Variants in CYP3A5 observed in about 807,000 individuals in gnomAD.
The protein encoded by CYP3A5 is cytochrome P450 3A5.
A neutral mutation model predicts 55.9 loss-of-function variants in CYP3A5; 51 were observed. The observed-to-expected ratio is 0.91, with a 90% CI of 0.73 to 1.15. CYP3A5 has a LOEUF of 1.15. Among genes scored for constraint, CYP3A5 ranks in the 50% most tolerant of loss-of-function variants. CYP3A5 has a pLI of 0.00. For missense variants in CYP3A5, 533 were observed against 596.6 expected, an observed-to-expected ratio of 0.89 and a Z score of 1.11; for synonymous variants, 196 against 213.9, an observed-to-expected ratio of 0.92 and a Z score of 0.73.
intron 12 of CYP3A5, among the ~76,000 whole-genome samples, chr7:99,649,843 G>T (rs1409686328): frequency 6.6e-6 from 1 of 151,984 alleles, no homozygotes; most frequent in Non-Finnish European, 1.5e-5. Context: ...GGTTCAAAGA[G>T]ACTACACATA....
At chr7:99,651,018 T>C (rs910442430) in intron 11 of CYP3A5, among the ~76,000 whole-genome samples, 6 of 152,244 alleles carry the variant, frequency 3.9e-5, no homozygotes, top group African/African-American at 9.6e-5. Context: ...AATGGCATTG[T>C]TGTCATATGT....
rs775307047 is a variant in CYP3A5 at position 99,679,898 on chromosome 7, G to A, written c.-2C>T. On this transcript the variant is annotated 5_prime_UTR_variant, in exon 1 of 13. Transcript: ENST00000222982. The stretch of plus-strand genomic sequence containing the variant: ...CGCCAAATTTGGGATGAGGTCCATC[G>A]CCACTTTCCTTCTTCAACTGTGTTC... The A allele has an allele frequency of 1.2e-5, 19 of 1,613,628 alleles. No individual in the cohort carries two copies. The African/African-American group carries it at 1.9e-4, about 16-fold the overall frequency.
At chr7:99,678,641 A>T (rs1773678231) in intron 1 of CYP3A5, among the ~76,000 whole-genome samples, 1 of 152,236 alleles carries the variant, frequency 6.6e-6, no homozygotes, top group Non-Finnish European at 1.5e-5. Context: ...CAGAAGGAAC[A>T]TGCTGGAAAT....
In CYP3A5 at chr7:99,662,421, C is replaced by T. The variant is rs1810545114; in HGVS notation, c.865+395G>A. ...TTGCAGTAGATTAACCTTGCGAACA[C>T]ACTTTCAAGTACTGCCAGTTAAAAT... On this transcript the variant is annotated intron_variant, in intron 9 of 12. Coordinates refer to ENST00000222982, the MANE Select transcript of CYP3A5 (RefSeq NM_000777.5). This position sits in a 1 kb window ranked among gnomAD's most constrained non-coding sequence, Gnocchi z 4.3. Among the ~76,000 whole-genome samples, 1 of 152,232 alleles carries T rather than the reference C, an allele frequency of 6.6e-6. No individual in the cohort carries two copies. The highest frequency in any genetic ancestry group is 2.1e-4 in the South Asian group (1 of 4,832).
At chr7:99,677,897 AGG>A (rs142748477) in intron 1 of CYP3A5, among the ~76,000 whole-genome samples, 1,687 of 152,312 alleles carry the variant, frequency 0.011, 31 homozygotes, top group African/African-American at 0.038. Context: ...TTGGCCCCCA[AGG>A]AAAGATCTTG....
At chr7:99,663,857 A>G (rs1810691367) in intron 8 of CYP3A5, 111 bp downstream of exon 8, 3 of 1,434,524 alleles carry the variant, frequency 2.1e-6, no homozygotes, top group Non-Finnish European at 1.8e-6. Flanking sequence ...TGTTCTAAAC[A>G]TAAGTTCTCT....
In CYP3A5 at chr7:99,665,237, T is replaced by G; in HGVS notation, c.599A>C (p.Gln200Pro). ...CTTAGTGCTCTCCACAAAGGGGTCT[T>G]GTGGATTGTTGAGAGAGTCGATGTT... is the stretch of plus-strand genomic sequence containing the variant. ...GVNIDSLNNP[Q>P]DPFVESTKKF... The change falls in exon 7 of 13, where the codon CAA becomes CCA. Residue 200 changes from glutamine (Q) to proline (P), a missense_variant. By Grantham distance (76) the Gln-to-Pro change is moderately conservative. Transcript: ENST00000222982. 8.1e-6 allele frequency: 13 copies of G among 1,614,138 alleles called. No homozygotes were observed. The highest frequency in any genetic ancestry group is 1.1e-5 in the Non-Finnish European group (13 of 1,179,980).
In CYP3A5 at chr7:99,652,608, C is replaced by T; in HGVS notation, c.1198G>A (p.Ala400Thr). 1 of 1,614,014 alleles carries T rather than the reference C, an allele frequency of 6.2e-7. No individual in the cohort carries two copies. The highest frequency in any genetic ancestry group is 1.3e-5 in the African/African-American group (1 of 75,028). ...CAGTACTTTGGGTCATGGTGAAGAG[C>T]ATAAGTTGGAATCACCACCATTGAC... ...KGSMVVIPTYALHHDPKYWTE... is the reference protein window; with the variant it reads ...KGSMVVIPTYTLHHDPKYWTE... The change falls in exon 11 of 13, where the codon GCT (alanine) becomes ACT (threonine). Residue 400 changes from alanine (A) to threonine (T), a missense_variant. Ala to Thr is a moderately conservative substitution (Grantham distance 58, BLOSUM62 0). Transcript: ENST00000222982.
At chr7:99,659,098 C>T (rs1478792473) in intron 10 of CYP3A5, 7 of 152,244 alleles carry the variant, frequency 4.6e-5, no homozygotes, top group Non-Finnish European at 1.0e-4. Context: ...AGTCATTCTC[C>T]ATCCAGCTTT....
Position 99,679,982 on chromosome 7 carries a change from C to G in CYP3A5, c.-86G>C, listed in dbSNP as rs28365095. On this transcript the variant is annotated 5_prime_UTR_variant, in exon 1 of 13. Coordinates refer to ENST00000222982, the MANE Select transcript of CYP3A5 (RefSeq NM_000777.5). ...TGCTGGGCTGTTTGCCTGGAGCTTC[C>G]CTGCCCTGCACAGCAGTCTTCAGCC... 8.5e-7 allele frequency: 1 copy of G among 1,181,536 alleles called. No individual in the cohort carries two copies. Among genetic ancestry groups the G allele is most frequent in the Non-Finnish European group, 1.3e-6 (1 of 787,362 alleles). 73.2% of individuals were successfully genotyped at this position (1,181,536 alleles called of 1,614,324 possible).
intron 4 of CYP3A5, 70 bp from the exon 5 acceptor site, chr7:99,667,135 G>C (rs1441499017): frequency 2.9e-6 from 4 of 1,396,884 alleles, no homozygotes; most frequent in African/African-American, 2.9e-5. Context: ...AAAATATATT[G>C]AAGAGGCATC....
chr7:99,672,678 TTC>T lies in CYP3A5; in HGVS notation c.219-1_219del. ...AGCACAGGGAGTTGACCTTCATACGTTCTGTGTGGGGACAACGGAGCTGATTA... is the reference window on the plus strand; with the variant it reads ...AGCACAGGGAGTTGACCTTCATACGTTGTGTGGGGACAACGGAGCTGATTA... On this transcript the variant is annotated splice_acceptor_variant and coding_sequence_variant, in exon 4 of 13. Transcript: ENST00000222982. LOFTEE classifies it high-confidence loss of function. 1 of 1,614,110 alleles carries T rather than the reference TTC, an allele frequency of 6.2e-7. No homozygotes were observed. Among genetic ancestry groups the T allele is most frequent in the Non-Finnish European group, 8.5e-7 (1 of 1,179,962 alleles).
intron 11 of CYP3A5, among the ~76,000 whole-genome samples, chr7:99,650,684 GTC>G (rs1340671617): frequency 1.3e-5 from 2 of 152,076 alleles, no homozygotes; most frequent in African/African-American, 4.8e-5. Flanking sequence ...TCCTTCTCCT[GTC>G]ATCTCTTTTT....
intron 10 of CYP3A5, among the ~76,000 whole-genome samples, chr7:99,654,065 G>C (rs1224287454): frequency 2.0e-5 from 3 of 152,080 alleles, no homozygotes; most frequent in Non-Finnish European, 4.4e-5. Flanking sequence ...CTTCTCATTA[G>C]ATGCCACTGA....
At chr7:99,663,143 G>A (rs1206183339) in intron 8 of CYP3A5, 2 of 1,194,476 alleles carry the variant, frequency 1.7e-6, no homozygotes, top group African/African-American at 1.6e-5. Flanking sequence ...CATCTTCTCT[G>A]TCTTTTGGAT....
At chr7:99,677,066 G>T (rs1434367751) in intron 1 of CYP3A5, 4 of 532,794 alleles carry the variant, frequency 7.5e-6, no homozygotes, top group Non-Finnish European at 7.2e-6. Context: ...AAAGCAGTCA[G>T]TTCACTGCCT....
rs113703928 is a variant in CYP3A5, at chr7:99,666,847, C to G, written c.432+105G>C. 14 of 1,579,048 alleles carry G rather than the reference C, an allele frequency of 8.9e-6. No homozygotes were observed. In the Admixed American group the frequency reaches 9.1e-5, roughly 10 times the overall value. ...GATAAAAGACCATTTTTAGGAAGCTCGAACTCAGTGGACTACCCCTTGGAA... is the reference window on the plus strand; with the variant it reads ...GATAAAAGACCATTTTTAGGAAGCTGGAACTCAGTGGACTACCCCTTGGAA... On this transcript the variant is annotated intron_variant, in intron 5 of 12. Coordinates refer to ENST00000222982, the MANE Select transcript of CYP3A5 (RefSeq NM_000777.5).
intron 11 of CYP3A5, 84 bp from the exon 12 acceptor site, chr7:99,650,316 C>T: frequency 8.0e-7 from 1 of 1,253,774 alleles, no homozygotes; most frequent in South Asian, 1.3e-5. Flanking sequence ...TTAAGAACAA[C>T]CCCCCTCCAC....
At chr7:99,656,150 C>G (rs1320721867) in intron 10 of CYP3A5, among the ~76,000 whole-genome samples, 5 of 152,152 alleles carry the variant, frequency 3.3e-5, no homozygotes. Context: ...GCATCCCTGT[C>G]TTGTGCCAGT....
Sources: gnomAD v4.1 joint callset for allele counts (sites outside exome capture counted in the v4.1 genomes callset) on GRCh38, gnomAD v4.1.1 for gene constraint, Gnocchi (gnomAD v3.1) non-coding constraint, MANE v1.5 for transcripts, NCBI Gene and HGNC (gene_info 2026-07-23, HGNC 2026-07-21) for gene names.